Variants in CNTNAP2 observed in about 807,000 individuals in gnomAD.
CNTNAP2 encodes the protein contactin associated protein 2, also known as contactin-associated protein-like 2.
CNTNAP2 carries 98 observed loss-of-function variants against 155.2 expected under a neutral mutation model. The observed-to-expected ratio is 0.63, with a 90% CI of 0.54 to 0.75. The LOEUF (loss-of-function observed/expected upper bound fraction) is 0.75. Among genes scored for constraint, CNTNAP2 ranks in the 30% least tolerant of loss-of-function variants. The pLI is 0.00. For synonymous variants in CNTNAP2, 651 were observed against 631.2 expected (o/e 1.03, Z -0.47); for missense variants, 1,727 against 1,688.1 (o/e 1.02, Z -0.40).
intron 12 of CNTNAP2, among the ~76,000 whole-genome samples, chr7:147,578,843 A>C (rs532055480): frequency 2.0e-5 from 3 of 147,040 alleles, no homozygotes; most frequent in Admixed American, 6.6e-5. Context: ...ACAGAGATAC[A>C]ACTTTTCCGT....
chr7:146,587,187 G>A (rs1798705510), intron 1 of CNTNAP2, among the ~76,000 whole-genome samples: 1 of 152,088 alleles, frequency 6.6e-6, no homozygotes, highest in South Asian at 2.1e-4. Context: ...GATATTGCCA[G>A]GCCGTTCCTT....
At chr7:148,093,001 C>T (rs1803879380) in intron 15 of CNTNAP2, among the ~76,000 whole-genome samples, 1 of 151,768 alleles carries the variant, frequency 6.6e-6, no homozygotes, top group South Asian at 2.1e-4. Context: ...GCAATTTGTT[C>T]CAGTTATCAT....
intron 3 of CNTNAP2, 129 bp from the exon 4 acceptor site, chr7:147,043,778 A>G: frequency 8.6e-7 from 1 of 1,165,670 alleles, no homozygotes; most frequent in Non-Finnish European, 1.2e-6. Context: ...GCTTTCTTCA[A>G]ATTATTTACG....
chr7:147,142,150 CCAGTTTT>C (rs1203537441), intron 8 of CNTNAP2, among the ~76,000 whole-genome samples: 1 of 152,094 alleles, frequency 6.6e-6, no homozygotes, highest in African/African-American at 2.4e-5. Context: ...CTGTCTTGTG[CCAGTTTT>C]CAAAGGGAAC....
At chr7:146,379,194 G>C (rs537207847) in intron 1 of CNTNAP2, among the ~76,000 whole-genome samples, 2 of 152,308 alleles carry the variant, frequency 1.3e-5, no homozygotes, top group African/African-American at 4.8e-5. Context: ...TCTTTCCTGG[G>C]TATGTTTTCT....
chr7:147,598,937 G>A (rs1431579299), intron 12 of CNTNAP2, among the ~76,000 whole-genome samples: 2 of 152,084 alleles, frequency 1.3e-5, no homozygotes, highest in Non-Finnish European at 2.9e-5. Context: ...ATGATTATAA[G>A]TTTCCTGAGG....
At chr7:147,385,930 A>G (rs889339045) in intron 9 of CNTNAP2, among the ~76,000 whole-genome samples, 1 of 152,218 alleles carries the variant, frequency 6.6e-6, no homozygotes, top group Non-Finnish European at 1.5e-5. Flanking sequence ...CTGCCTGGGC[A>G]TCCATGCATT....
At chr7:147,318,866 A>G (rs1162287276) in intron 9 of CNTNAP2, among the ~76,000 whole-genome samples, 1 of 152,160 alleles carries the variant, frequency 6.6e-6, no homozygotes, top group African/African-American at 2.4e-5. Context: ...AATTTTCAAA[A>G]CAGGAGAAAA....
chr7:147,049,122 GC>G (rs1395697828), intron 4 of CNTNAP2, among the ~76,000 whole-genome samples: 1 of 152,182 alleles, frequency 6.6e-6, no homozygotes, highest in African/African-American at 2.4e-5. Context: ...AGGAAACAGA[GC>G]CCTCGTGACC....
At chr7:147,905,806 C>A (rs970059086) in intron 14 of CNTNAP2, among the ~76,000 whole-genome samples, 1 of 152,054 alleles carries the variant, frequency 6.6e-6, no homozygotes, top group African/African-American at 2.4e-5. Context: ...ATCGCTTGAA[C>A]CCAGGAGGCG....
chr7:147,177,955 C>A (rs1220571985), intron 8 of CNTNAP2, among the ~76,000 whole-genome samples: 2 of 152,102 alleles, frequency 1.3e-5, no homozygotes, highest in Non-Finnish European at 2.9e-5. Context: ...TGATCCTGAT[C>A]ACCCACCTGA....
chr7:147,647,932 G>T (rs919326149), intron 13 of CNTNAP2, among the ~76,000 whole-genome samples: 2 of 152,164 alleles, frequency 1.3e-5, no homozygotes, highest in African/African-American at 4.8e-5. Context: ...TCCTAGAGAG[G>T]AAGCCATCCC....
At chr7:146,507,576 G>A (rs1330257901) in intron 1 of CNTNAP2, among the ~76,000 whole-genome samples, 4 of 152,140 alleles carry the variant, frequency 2.6e-5, no homozygotes, top group African/African-American at 9.7e-5. Flanking sequence ...CCTCATTATT[G>A]TGGTCTGGGG....
At chr7:147,609,861 G>A (rs891400538) in intron 12 of CNTNAP2, among the ~76,000 whole-genome samples, 13 of 151,970 alleles carry the variant, frequency 8.6e-5, no homozygotes, top group Non-Finnish European at 1.6e-4. Context: ...AAGGTAGAGT[G>A]GATATAGTCA....
At chr7:148,044,486 G>A (rs1319290540) in intron 15 of CNTNAP2, 1 of 152,206 alleles carries the variant, frequency 6.6e-6, no homozygotes, top group Admixed American at 6.5e-5. Context: ...ACGTGATGGT[G>A]TTAATAAGTG....
At chr7:147,986,554 G>T (rs1482001370) in intron 15 of CNTNAP2, among the ~76,000 whole-genome samples, 3 of 152,160 alleles carry the variant, frequency 2.0e-5, no homozygotes, top group African/African-American at 7.2e-5. Context: ...AGGGGTCTGG[G>T]TCTAGAGAGG....
rs1336580753 is a variant in CNTNAP2, at chr7:147,346,772, G to A, written c.1498+46482G>A. Among the ~76,000 whole-genome samples, 11 of 152,258 alleles carry A rather than the reference G, an allele frequency of 7.2e-5. 1 individual carries two copies. In the East Asian group the frequency reaches 1.9e-3, roughly 27 times the overall value. Reference sequence around the variant, plus strand: ...TTATTTAATTTTCAACCTTCAAAGAGTGGATCTAGACTGACCTTTCAAACT... The same window carrying A: ...TTATTTAATTTTCAACCTTCAAAGAATGGATCTAGACTGACCTTTCAAACT... On this transcript the variant is annotated intron_variant, in intron 9 of 23. Transcript: ENST00000361727.
At chr7:146,528,770 A>G (rs1797726735) in intron 1 of CNTNAP2, among the ~76,000 whole-genome samples, 1 of 152,172 alleles carries the variant, frequency 6.6e-6, no homozygotes, top group Admixed American at 6.6e-5. Flanking sequence ...TCATAAGAAC[A>G]TTCTTGTCAA....
intron 1 of CNTNAP2, among the ~76,000 whole-genome samples, chr7:146,353,001 A>G (rs548561064): frequency 3.0e-4 from 45 of 151,706 alleles, no homozygotes; most frequent in Middle Eastern, 3.4e-3. Context: ...TGATCTGCCC[A>G]CCTCGGCCTC....
Sources: allele counts gnomAD v4.1 joint callset (sites outside exome capture counted in the v4.1 genomes callset), GRCh38; gene constraint gnomAD v4.1.1; transcripts MANE v1.5; gene names NCBI Gene and HGNC (gene_info 2026-07-23, HGNC 2026-07-21).